The following NEMP2 variants were observed in gnomAD, a reference collection of about 807,000 sequenced individuals.
The protein encoded by NEMP2 is nuclear envelope integral membrane protein 2.
NEMP2 carries 53 observed loss-of-function variants against 54.2 expected under a neutral mutation model. That is an observed-to-expected ratio of 0.98 (90% confidence interval 0.78 to 1.23). The LOEUF (loss-of-function observed/expected upper bound fraction) is 1.23. NEMP2 is among the 50% of genes most tolerant of loss of function. The pLI is 0.00. For missense variants in NEMP2, 455 were observed against 511.3 expected (o/e 0.89, Z 1.06); for synonymous variants, 197 against 190.3 (o/e 1.04, Z -0.29).
chr2:190,607,999 A>C, the NEMP2 span: 27 of 152,338 alleles, frequency 1.8e-4, no homozygotes, highest in African/African-American at 6.3e-4. The surrounding 1 kb of genome is among the most constrained non-coding windows in gnomAD (Gnocchi z 5.2). Flanking sequence ...GCAGTCCAAA[A>C]ATATTAAATA....
chr2:190,546,400 C>T, the NEMP2 span, among the ~76,000 whole-genome samples: 1 of 152,096 alleles, frequency 6.6e-6, no homozygotes, highest in Non-Finnish European at 1.5e-5. The surrounding 1 kb of genome is among the most constrained non-coding windows in gnomAD (Gnocchi z 5.1). Flanking sequence ...AGGCTATATA[C>T]AAGTACTTAC....
At chr2:190,516,183 G>T in intron 6 of NEMP2, 87 bp downstream of exon 6, 1 of 858,816 alleles carries the variant, frequency 1.2e-6, no homozygotes, top group Non-Finnish European at 1.8e-6. Flanking sequence ...TTTAGATGTT[G>T]GAGAGAAACA....
At chr2:190,580,082 G>C in the NEMP2 span, among the ~76,000 whole-genome samples, 1 of 152,158 alleles carries the variant, frequency 6.6e-6, no homozygotes, top group African/African-American at 2.4e-5. This position sits in a 1 kb window ranked among gnomAD's most constrained non-coding sequence, Gnocchi z 5.3. Flanking sequence ...AAGTGATTCT[G>C]ATTCAGTAGG....
chr2:190,469,976 T>G, the NEMP2 span: 1 of 653,354 alleles, frequency 1.5e-6, no homozygotes. The surrounding 1 kb of genome is among the most constrained non-coding windows in gnomAD (Gnocchi z 5.3). Flanking sequence ...TCATGTGATT[T>G]TGAAGTGGTT....
At chr2:190,578,501 G>A in the NEMP2 span, among the ~76,000 whole-genome samples, 1 of 152,124 alleles carries the variant, frequency 6.6e-6, no homozygotes, top group African/African-American at 2.4e-5. This position sits in a 1 kb window ranked among gnomAD's most constrained non-coding sequence, Gnocchi z 4.4. Flanking sequence ...GGGATGAGGT[G>A]AAGGAATATT....
At chr2:190,480,343 T>G in the NEMP2 span, among the ~76,000 whole-genome samples, 2 of 152,136 alleles carry the variant, frequency 1.3e-5, no homozygotes, top group Non-Finnish European at 2.9e-5. Context: ...TAATGCTTGT[T>G]GTTTAATTCA....
At chr2:190,550,516 C>T in the NEMP2 span, among the ~76,000 whole-genome samples, 1 of 152,192 alleles carries the variant, frequency 6.6e-6, no homozygotes, top group Non-Finnish European at 1.5e-5. This position sits in a 1 kb window ranked among gnomAD's most constrained non-coding sequence, Gnocchi z 4.7. Context: ...TAGAATATCT[C>T]ATAATTACTC....
At chr2:190,435,506 A>G in the NEMP2 span, among the ~76,000 whole-genome samples, 1 of 152,118 alleles carries the variant, frequency 6.6e-6, no homozygotes, top group East Asian at 1.9e-4. Flanking sequence ...TTCTCATTAC[A>G]TTTGTGGTTG....
the NEMP2 span, chr2:190,469,746 A>ATTTTTT: frequency 1.2e-5 from 17 of 1,364,862 alleles, no homozygotes; most frequent in African/African-American, 1.5e-5. The surrounding 1 kb of genome is among the most constrained non-coding windows in gnomAD (Gnocchi z 5.3). Context: ...TTTATTTTTT[A>ATTTTTT]TTTTTTTTTA....
At chr2:190,563,825 G>A in the NEMP2 span, among the ~76,000 whole-genome samples, 2 of 152,234 alleles carry the variant, frequency 1.3e-5, no homozygotes, top group East Asian at 3.8e-4. This position sits in a 1 kb window ranked among gnomAD's most constrained non-coding sequence, Gnocchi z 4.3. Flanking sequence ...AGCAATTCCA[G>A]AGCCAATACC....
the NEMP2 span, among the ~76,000 whole-genome samples, chr2:190,494,118 C>G: frequency 6.6e-6 from 1 of 151,694 alleles, no homozygotes; most frequent in African/African-American, 2.4e-5. This position sits in a 1 kb window ranked among gnomAD's most constrained non-coding sequence, Gnocchi z 5.7. Context: ...ACAAGATTAA[C>G]CAAGAAAAGA....
the NEMP2 span, among the ~76,000 whole-genome samples, chr2:190,544,083 T>A: frequency 1.3e-5 from 2 of 152,186 alleles, no homozygotes; most frequent in African/African-American, 4.8e-5. Flanking sequence ...TACCAGCCAA[T>A]GCCATAAAGA....
chr2:190,529,683 G>A lies in NEMP2; in HGVS notation c.98-4305C>T, dbSNP rs1691072214. ...ATTTATCTTTTGTGTGTAGCTTGTGGTTCAAGAGGACTAGTGGGTTATTTA... is the reference window on the plus strand; with the variant it reads ...ATTTATCTTTTGTGTGTAGCTTGTGATTCAAGAGGACTAGTGGGTTATTTA... On this transcript the variant is annotated intron_variant, in intron 1 of 8. Transcript: ENST00000409150. This position sits in a 1 kb window ranked among gnomAD's most constrained non-coding sequence, Gnocchi z 4.7. Among the ~76,000 whole-genome samples the A allele has an allele frequency of 6.6e-6, 1 of 152,188 alleles. No individual in the cohort carries two copies. Among genetic ancestry groups the A allele is most frequent in the South Asian group, 2.1e-4 (1 of 4,820 alleles).
rs1690409273 is a variant in NEMP2, at chr2:190,512,684, C to T, written c.953+1769G>A. Among the ~76,000 whole-genome samples, 1 of 152,222 alleles carries T rather than the reference C, an allele frequency of 6.6e-6. No individual in the cohort carries two copies. Among genetic ancestry groups the T allele is most frequent in the African/African-American group, 2.4e-5 (1 of 41,476 alleles). On this transcript the variant is annotated intron_variant, in intron 7 of 8. Transcript: ENST00000409150. This position sits in a 1 kb window ranked among gnomAD's most constrained non-coding sequence, Gnocchi z 4.5. ...ACTCTATCCTGAGTTCCTCAGGCCA[C>T]AAGCCTGGCAAAGGGCCAGGGACCT...
chr2:190,537,441 A>G (rs1464025048), upstream of NEMP2, among the ~76,000 whole-genome samples: 1 of 152,176 alleles, frequency 6.6e-6, no homozygotes, highest in Non-Finnish European at 1.5e-5. Flanking sequence ...ACGGTTTTAT[A>G]AGGGGCTTTT....
intron 1 of NEMP2, chr2:190,534,356 C>A (rs62181053): frequency 8.3e-7 from 1 of 1,202,118 alleles, no homozygotes; most frequent in African/African-American, 1.6e-5. Context: ...AAATGTCCAA[C>A]TGCCAGGCGA....
the NEMP2 span, among the ~76,000 whole-genome samples, chr2:190,593,898 CTT>C: frequency 2.0e-5 from 3 of 152,326 alleles, no homozygotes; most frequent in Non-Finnish European, 4.4e-5. This position sits in a 1 kb window ranked among gnomAD's most constrained non-coding sequence, Gnocchi z 4.5. Context: ...TGCCTATACT[CTT>C]GTTTCCCCAA....
At chr2:190,559,686 C>T in the NEMP2 span, among the ~76,000 whole-genome samples, 4 of 152,168 alleles carry the variant, frequency 2.6e-5, no homozygotes, top group Admixed American at 2.6e-4. The surrounding 1 kb of genome is among the most constrained non-coding windows in gnomAD (Gnocchi z 4.0). Flanking sequence ...CTATTATATT[C>T]TCAGAGTTAG....
the NEMP2 span, among the ~76,000 whole-genome samples, chr2:190,474,388 C>A: frequency 1.3e-5 from 2 of 152,116 alleles, no homozygotes; most frequent in African/African-American, 2.4e-5. Flanking sequence ...GGGGATATCA[C>A]CACCGATCCC....
Sources: gnomAD v4.1 joint callset for allele counts (sites outside exome capture counted in the v4.1 genomes callset) on GRCh38, gnomAD v4.1.1 for gene constraint, Gnocchi (gnomAD v3.1) non-coding constraint, MANE v1.5 for transcripts, NCBI Gene and HGNC (gene_info 2026-07-23, HGNC 2026-07-21) for gene names.